KDM3A: variants seen among roughly 807,000 people sequenced by gnomAD.
KDM3A encodes lysine demethylase 3A.
In KDM3A, 60 loss-of-function variants were observed where a neutral mutation model predicts 158.0. The ratio of observed to expected loss-of-function variants is 0.38; its 90% CI spans 0.31 to 0.47. The LOEUF (loss-of-function observed/expected upper bound fraction) is 0.47, where lower values mean the gene tolerates loss of function less well. Among genes scored for constraint, KDM3A ranks in the 20% least tolerant of loss-of-function variants. The pLI is 0.99. For synonymous variants in KDM3A, 608 were observed against 549.3 expected, an observed-to-expected ratio of 1.11 and a Z score of -1.49; for missense variants, 1,319 against 1,574.3, an observed-to-expected ratio of 0.84 and a Z score of 2.74.
At chr2:86,485,221 G>A (rs1674121976) in intron 20 of KDM3A, among the ~76,000 whole-genome samples, 192 bp downstream of exon 20, 1 of 152,202 alleles carries the variant, frequency 6.6e-6, no homozygotes, top group South Asian at 2.1e-4. Flanking sequence ...GAAGTGATTG[G>A]CTTTTAGGCC....
At chr2:86,446,821 T>G (rs1238146588) in intron 2 of KDM3A, among the ~76,000 whole-genome samples, 1 of 152,146 alleles carries the variant, frequency 6.6e-6, no homozygotes, top group East Asian at 1.9e-4. Flanking sequence ...AGATGCTTTG[T>G]TTTTTCTGGA....
chr2:86,447,114 C>T (rs1477475824), intron 2 of KDM3A, among the ~76,000 whole-genome samples: 1 of 152,142 alleles, frequency 6.6e-6, no homozygotes, highest in Non-Finnish European at 1.5e-5. Flanking sequence ...GCCTGACTGA[C>T]ATATATGGTT....
intron 2 of KDM3A, among the ~76,000 whole-genome samples, chr2:86,448,224 G>A (rs1683032923): frequency 6.6e-6 from 1 of 152,226 alleles, no homozygotes; most frequent in African/African-American, 2.4e-5. Flanking sequence ...TGCATGTTTT[G>A]TTGGCTGAGA....
intron 15 of KDM3A, 26 bp from the exon 16 acceptor site, chr2:86,480,141 A>G (rs1274756778): frequency 1.3e-6 from 2 of 1,566,902 alleles, no homozygotes; most frequent in Non-Finnish European, 8.8e-7. Context: ...AGCTTATGTA[A>G]AATCGTCCTT....
Position 86,466,534 on chromosome 2 carries a change from T to C in KDM3A, c.1170T>C (p.Cys390=). 1 of 1,613,928 alleles carries C rather than the reference T, an allele frequency of 6.2e-7. No homozygotes were observed. Among genetic ancestry groups the C allele is most frequent in the African/African-American group, 1.3e-5 (1 of 75,018 alleles). Residue 390 remains cysteine (C), a synonymous_variant, in exon 10 of 26, where the codon TGT becomes TGC. Transcript: ENST00000312912. ...LKILTEPKGS[C]TQPKTNTDQE... ...TTCTGACTGAGCCAAAAGGCAGCTG[T>C]ACTCAGCCTAAGACAAACACTGATC...
At chr2:86,449,433 T>C (rs563992440) in intron 2 of KDM3A, among the ~76,000 whole-genome samples, 4 of 152,348 alleles carry the variant, frequency 2.6e-5, no homozygotes, top group Admixed American at 2.6e-4. Flanking sequence ...TGCAGTTTTA[T>C]TAAGTACATC....
In KDM3A at chr2:86,466,810, G is replaced by T; in HGVS notation, c.1446G>T (p.Gln482His). The change falls in exon 10 of 26, where the codon CAG (glutamine) becomes CAT (histidine). Residue 482 changes from glutamine (Q) to histidine (H), a missense_variant. Gln to His is a conservative substitution (Grantham distance 24, BLOSUM62 0). Around this residue, in one of 4 missense-constraint regions of KDM3A, gnomAD observed 652 missense variants for 627.2 expected, o/e 1.04. Transcript: ENST00000312912. ...VEPSALACRS[Q>H]NLKESSVKVD... ...CTTCAGCTTTAGCTTGCCGATCACAGAATTTAAAGGAATCTTCAGTAAAAG... is the reference window on the plus strand; with the variant it reads ...CTTCAGCTTTAGCTTGCCGATCACATAATTTAAAGGAATCTTCAGTAAAAG... 1 of 1,612,966 alleles carries T rather than the reference G, an allele frequency of 6.2e-7. No individual in the cohort carries two copies. Among genetic ancestry groups the T allele is most frequent in the South Asian group, 1.1e-5 (1 of 90,994 alleles).
At chr2:86,478,920 A>G (rs1673793754) in intron 15 of KDM3A, 185 bp downstream of exon 15, 1 of 564,852 alleles carries the variant, frequency 1.8e-6, no homozygotes, top group African/African-American at 1.9e-5. Flanking sequence ...GACTTTTCAC[A>G]TTACTTTCGT....
chr2:86,471,829 C>A (rs578185095), intron 11 of KDM3A, among the ~76,000 whole-genome samples: 1 of 152,200 alleles, frequency 6.6e-6, no homozygotes, highest in African/African-American at 2.4e-5. Context: ...CGTATGTTAA[C>A]ATATGCATAT....
chr2:86,446,537 AG>A (rs1296936100), intron 2 of KDM3A, among the ~76,000 whole-genome samples: 1 of 152,090 alleles, frequency 6.6e-6, no homozygotes, highest in Non-Finnish European at 1.5e-5. Context: ...GGTGAAACCC[AG>A]TCTCTACTAA....
chr2:86,465,828 A>G (rs1673115230), intron 9 of KDM3A, among the ~76,000 whole-genome samples: 1 of 151,652 alleles, frequency 6.6e-6, no homozygotes, highest in South Asian at 2.1e-4. Context: ...TAGAGGTTCA[A>G]TTTTTGACTC....
chr2:86,482,897 A>G, intron 18 of KDM3A: 5 of 564,366 alleles, frequency 8.9e-6, no homozygotes, highest in Non-Finnish European at 1.5e-5. Flanking sequence ...GGACTTTTCC[A>G]GTCAGGTTTT....
intron 23 of KDM3A, chr2:86,489,959 A>G: frequency 3.9e-6 from 1 of 253,480 alleles, no homozygotes; most frequent in Non-Finnish European, 7.6e-6. Flanking sequence ...ATCATCTCCC[A>G]GCATATATCT....
intron 10 of KDM3A, among the ~76,000 whole-genome samples, 167 bp from the exon 11 acceptor site, chr2:86,470,037 T>C (rs1673328772): frequency 6.6e-6 from 1 of 152,226 alleles, no homozygotes; most frequent in Non-Finnish European, 1.5e-5. Flanking sequence ...CCAGTTATTC[T>C]GATAGTTGTC....
At chr2:86,452,349 A>G (rs538784499) in intron 4 of KDM3A, among the ~76,000 whole-genome samples, 2 of 152,296 alleles carry the variant, frequency 1.3e-5, no homozygotes, top group Middle Eastern at 3.4e-3. Context: ...AGGTTAGTGC[A>G]TAAGCAGTAT....
intron 5 of KDM3A, among the ~76,000 whole-genome samples, chr2:86,455,919 A>G (rs901073255): frequency 6.7e-6 from 1 of 149,880 alleles, no homozygotes; most frequent in Non-Finnish European, 1.5e-5. Flanking sequence ...TTACACTGCT[A>G]CACTCCAGCC....
At position 86,484,286 on chromosome 2, in the gene KDM3A, C is replaced by G. The variant is rs1033504549; in HGVS notation, c.3094+128C>G. ...GGATTTTGGAGTTTAAAATTAACGT[C>G]TCTCCTCCCCTTCCTTGTTACAATG... On this transcript the variant is annotated intron_variant, in intron 19 of 25. Coordinates refer to ENST00000312912, the MANE Select transcript of KDM3A (RefSeq NM_018433.6). The G allele has an allele frequency of 8.5e-6, 6 of 702,062 alleles. No homozygotes were observed. The African/African-American group carries it at 1.1e-4, about 13-fold the overall frequency. 43.5% of individuals were successfully genotyped at this position (702,062 alleles called of 1,614,324 possible).
At position 86,466,556 on chromosome 2, in the gene KDM3A, G is replaced by C. The variant is rs1313436630; in HGVS notation, c.1192G>C (p.Asp398His). ...GSCTQPKTNT[D>H]QENRLESVPQ... is the part of the protein sequence containing the mutation. ...CTGTACTCAGCCTAAGACAAACACT[G>C]ATCAGGAAAACAGATTGGAGTCTGT... The change falls in exon 10 of 26, where the codon GAT becomes CAT. Residue 398 changes from aspartate to histidine, a missense_variant. Physicochemically the swap from Asp to His is moderately conservative, Grantham distance 81. Coordinates refer to ENST00000312912, the MANE Select transcript of KDM3A (RefSeq NM_018433.6). 15 of 1,613,930 alleles carry C rather than the reference G, an allele frequency of 9.3e-6. No homozygotes were observed. The highest frequency in any genetic ancestry group is 1.3e-5 in the African/African-American group (1 of 75,034).
Position 86,466,472 on chromosome 2 carries a change from T to C in KDM3A, c.1108T>C (p.Ser370Pro), listed in dbSNP as rs1209274317. 1 of 1,613,912 alleles carries C rather than the reference T, an allele frequency of 6.2e-7. No homozygotes were observed. Among genetic ancestry groups the C allele is most frequent in the Non-Finnish European group, 8.5e-7 (1 of 1,179,836 alleles). ...AGATGTCTGCAAAGCAGGGTTGCTC[T>C]CAAAGTCCTCTCAGATTGGAACTGG... ...KPDVCKAGLL[S>P]KSSQIGTGDL... The change falls in exon 10 of 26, where the codon TCA becomes CCA. Residue 370 changes from serine to proline, a missense_variant. Ser to Pro is a moderately conservative substitution (Grantham distance 74, BLOSUM62 -1). Transcript: ENST00000312912.
Sources: gnomAD v4.1 joint callset for allele counts (sites outside exome capture counted in the v4.1 genomes callset) on GRCh38, gnomAD v4.1.1 for gene constraint, gnomAD v4.1.1 regional missense constraint, MANE v1.5 for transcripts, NCBI Gene and HGNC (gene_info 2026-07-23, HGNC 2026-07-21) for gene names.